The following INPP4B variants were observed in gnomAD, a reference collection of about 807,000 sequenced individuals.
INPP4B encodes the protein inositol polyphosphate-4-phosphatase type II B.
INPP4B carries 55 observed loss-of-function variants against 122.5 expected under a neutral mutation model. That is an observed-to-expected ratio of 0.45 (90% CI 0.36 to 0.56). The LOEUF is 0.56. INPP4B is among the 20% of genes least tolerant of loss of function. The pLI is 0.00. For missense variants in INPP4B, 1,000 were observed against 1,097.7 expected, an observed-to-expected ratio of 0.91 and a Z score of 1.26; for synonymous variants, 403 against 388.7, an observed-to-expected ratio of 1.04 and a Z score of -0.43.
At chr4:142,089,592 C>T (rs1778533317) in intron 23 of INPP4B, among the ~76,000 whole-genome samples, 1 of 151,596 alleles carries the variant, frequency 6.6e-6, no homozygotes, top group Non-Finnish European at 1.5e-5. Flanking sequence ...AAATTGTATG[C>T]CTTAGGTATA....
At chr4:142,279,330 A>G (rs1750100296) in intron 9 of INPP4B, among the ~76,000 whole-genome samples, 1 of 151,864 alleles carries the variant, frequency 6.6e-6, no homozygotes, top group Non-Finnish European at 1.5e-5. Flanking sequence ...GAAAGACAAA[A>G]CAGTATTGGA....
intron 1 of INPP4B, among the ~76,000 whole-genome samples, chr4:142,732,572 A>C (rs915004109): frequency 3.9e-5 from 6 of 152,088 alleles, no homozygotes; most frequent in African/African-American, 1.2e-4. Flanking sequence ...AATAAGAATT[A>C]TAACATTTAA....
chr4:142,784,408 TA>T (rs772362201), intron 1 of INPP4B, among the ~76,000 whole-genome samples: 1 of 133,374 alleles, frequency 7.5e-6, no homozygotes, highest in Non-Finnish European at 1.7e-5. Flanking sequence ...AATAAATAAA[TA>T]AAAATTAAAA....
chr4:142,114,028 T>C (rs1352319056), intron 21 of INPP4B, among the ~76,000 whole-genome samples: 1 of 152,066 alleles, frequency 6.6e-6, no homozygotes, highest in Non-Finnish European at 1.5e-5. Flanking sequence ...ATGAATTTTA[T>C]TTTTCTGCAT....
At chr4:142,074,913 A>G (rs1000774175) in intron 25 of INPP4B, among the ~76,000 whole-genome samples, 1 of 152,158 alleles carries the variant, frequency 6.6e-6, no homozygotes, top group Non-Finnish European at 1.5e-5. Flanking sequence ...CCTAAATTGT[A>G]TGCATCCTTA....
chr4:142,834,907 T>C (rs1782601184), intron 1 of INPP4B, among the ~76,000 whole-genome samples: 1 of 152,214 alleles, frequency 6.6e-6, no homozygotes, highest in Admixed American at 6.5e-5. Context: ...AAGAAACATG[T>C]AAACTGAAGC....
intron 2 of INPP4B, among the ~76,000 whole-genome samples, chr4:142,562,146 T>C (rs1730612388): frequency 6.6e-6 from 1 of 152,100 alleles, no homozygotes; most frequent in East Asian, 1.9e-4. Context: ...GAGTAGGAGG[T>C]TCTCACTACA....
chr4:142,213,356 A>G (rs1237468910), intron 12 of INPP4B, among the ~76,000 whole-genome samples: 1 of 152,176 alleles, frequency 6.6e-6, no homozygotes, highest in Non-Finnish European at 1.5e-5. Context: ...TTTAATAGTT[A>G]GAAGTGACAA....
At chr4:142,512,726 C>G (rs1243011491) in intron 2 of INPP4B, among the ~76,000 whole-genome samples, 1 of 152,148 alleles carries the variant, frequency 6.6e-6, no homozygotes, top group Non-Finnish European at 1.5e-5. Context: ...AGCAGAGCCT[C>G]TAATGTGCAA....
chr4:142,103,826 CACAG>C (rs1422901352), intron 23 of INPP4B, among the ~76,000 whole-genome samples: 1 of 152,042 alleles, frequency 6.6e-6, no homozygotes, highest in Admixed American at 6.6e-5. Flanking sequence ...CATACACACA[CACAG>C]ACACACACAC....
At chr4:142,590,922 G>C (rs1266230135) in intron 2 of INPP4B, among the ~76,000 whole-genome samples, 1 of 146,784 alleles carries the variant, frequency 6.8e-6, no homozygotes, top group Non-Finnish European at 1.5e-5. Flanking sequence ...GGGATACTTA[G>C]AGAAATAGAT....
intron 2 of INPP4B, among the ~76,000 whole-genome samples, chr4:142,674,223 G>C (rs539810344): frequency 6.6e-6 from 1 of 152,120 alleles, no homozygotes; most frequent in Admixed American, 6.6e-5. Context: ...TTTTCATGCA[G>C]GATCATTTCC....
intron 17 of INPP4B, among the ~76,000 whole-genome samples, chr4:142,159,577 G>C (rs1424386018): frequency 6.6e-6 from 1 of 151,786 alleles, no homozygotes; most frequent in African/African-American, 2.4e-5. Context: ...ATCTAATACA[G>C]CTAGCACACT....
At chr4:142,327,865 T>C (rs1773006591) in intron 7 of INPP4B, among the ~76,000 whole-genome samples, 1 of 152,138 alleles carries the variant, frequency 6.6e-6, no homozygotes, top group Non-Finnish European at 1.5e-5. Flanking sequence ...ATGTGGCTAG[T>C]AAGTGGAGGA....
intron 7 of INPP4B, among the ~76,000 whole-genome samples, chr4:142,328,391 T>A (rs183174068): frequency 2.1e-4 from 32 of 152,290 alleles, no homozygotes; most frequent in African/African-American, 7.2e-4. Context: ...GCCATTATTC[T>A]CAAGTGTGAT....
At chr4:142,276,687 A>G (rs992746261) in intron 9 of INPP4B, among the ~76,000 whole-genome samples, 2 of 151,928 alleles carry the variant, frequency 1.3e-5, no homozygotes, top group Non-Finnish European at 2.9e-5. Flanking sequence ...TATCATTTAT[A>G]TAGCCTGGGC....
At chr4:142,080,067 A>G (rs1773087321) in intron 25 of INPP4B, among the ~76,000 whole-genome samples, 1 of 152,078 alleles carries the variant, frequency 6.6e-6, no homozygotes, top group South Asian at 2.1e-4. Flanking sequence ...ACACTCCTAA[A>G]ATGGAGCTAC....
chr4:142,261,881 G>C (rs562995049), intron 10 of INPP4B, among the ~76,000 whole-genome samples: 12 of 152,246 alleles, frequency 7.9e-5, no homozygotes, highest in Middle Eastern at 6.8e-3. Context: ...GGGTACAAAA[G>C]TGCTTTCATA....
intron 7 of INPP4B, among the ~76,000 whole-genome samples, chr4:142,359,256 G>A (rs780691246): frequency 1.3e-5 from 2 of 151,196 alleles, no homozygotes; most frequent in Non-Finnish European, 3.0e-5. Context: ...GGAGCCAAAC[G>A]GCCTTGGAAA....
Sources: allele counts gnomAD v4.1 joint callset (sites outside exome capture counted in the v4.1 genomes callset), GRCh38; gene constraint gnomAD v4.1.1; transcripts MANE v1.5; gene names NCBI Gene and HGNC (gene_info 2026-07-23, HGNC 2026-07-21).